TMEM221: variants seen among roughly 807,000 people sequenced by gnomAD.
TMEM221 encodes Putative transmembrane protein ENSP00000342162.
TMEM221 carries 11 observed loss-of-function variants against 10.2 expected under a neutral mutation model. The observed-to-expected ratio is 1.08, with a 90% CI of 0.68 to 1.79. The LOEUF (loss-of-function observed/expected upper bound fraction) is 1.79, where lower values mean the gene tolerates loss of function less well. Ranked by LOEUF, TMEM221 falls within the 40% of genes most tolerant of loss-of-function variation. The pLI, the probability that TMEM221 is intolerant of heterozygous loss-of-function variation, is 0.00. For missense variants in TMEM221, 382 were observed against 417.7 expected, an observed-to-expected ratio of 0.91 and a Z score of 0.75; for synonymous variants, 172 against 199.8, an observed-to-expected ratio of 0.86 and a Z score of 1.18.
rs993681913 is a variant in TMEM221, at chr19:17,448,295, G to A, written c.168C>T (p.Gly56=). Residue 56 remains glycine (G), a synonymous_variant, in exon 1 of 3, where the codon GGC becomes GGT. Transcript: ENST00000341130. This position sits in a 1 kb window ranked among gnomAD's most constrained non-coding sequence, Gnocchi z 4.7. ...AEGLGQELGA[G]PGLPEDAAGT... ...CGGCCGCGTCCTCTGGCAGCCCGGG[G>A]CCGGCGCCCAGCTCCTGGCCCAGCC... 9.0e-6 allele frequency: 11 copies of A among 1,215,848 alleles called. No homozygotes were observed. The Admixed American group carries it at 4.0e-4, about 44-fold the overall frequency. 75.3% of individuals were successfully genotyped at this position (1,215,848 alleles called of 1,614,324 possible).
rs2074959203 is a variant in TMEM221 at position 17,448,041 on chromosome 19, G to A, written c.320+102C>T. 4 of 989,164 alleles carry A rather than the reference G, an allele frequency of 4.0e-6. No homozygotes were observed. The highest frequency in any genetic ancestry group is 5.2e-6 in the Non-Finnish European group (4 of 766,296). 61.3% of individuals were successfully genotyped at this position (989,164 alleles called of 1,614,324 possible). A position where few individuals can be genotyped will look rare whatever the true frequency, so the allele number is the denominator to read the frequency against. On this transcript the variant is annotated intron_variant, in intron 1 of 2. Transcript: ENST00000341130. This position sits in a 1 kb window ranked among gnomAD's most constrained non-coding sequence, Gnocchi z 4.7. ...TGGTGGGGAGAGGGAAGTGGGGAGG[G>A]AAGCTGTCCCCCCAGCCTGAGGCCA...
chr19:17,439,206 C>CA lies in TMEM221; in HGVS notation c.407-2280dup, dbSNP rs35872715. On this transcript the variant is annotated intron_variant, in intron 2 of 2. Transcript: ENST00000341130. ...TGGGTGACAGAGCGAGACTCCATCT[C>CA]AAAAAAAAAAAAAAAGCCTCCCTGT... is the stretch of plus-strand genomic sequence containing the variant. Among the ~76,000 whole-genome samples, 799 of 111,392 alleles carry CA rather than the reference C, an allele frequency of 7.2e-3. 27 individuals are homozygous for CA. Among genetic ancestry groups the CA allele is most frequent in the Middle Eastern group, 0.024 (5 of 208 alleles). 73.1% of individuals were successfully genotyped at this position (111,392 alleles called of 152,430 possible).
Position 17,448,314 on chromosome 19 carries a change from C to A in TMEM221, c.149G>T (p.Gly50Val). Residue 50 changes from glycine to valine, a missense_variant, in exon 1 of 3, where the codon GGC becomes GTC. Coordinates refer to ENST00000341130, the MANE Select transcript of TMEM221 (RefSeq NM_001190844.2). The surrounding 1 kb of genome is among the most constrained non-coding windows in gnomAD (Gnocchi z 4.7). ...CCCGGGGCCGGCGCCCAGCTCCTGGCCCAGCCCCTCGGCGCGCAGCCCCCG... is the reference window on the plus strand; with the variant it reads ...CCCGGGGCCGGCGCCCAGCTCCTGGACCAGCCCCTCGGCGCGCAGCCCCCG... The part of the protein sequence containing the change: ...ELRGLRAEGL[G>V]QELGAGPGLP... The A allele has an allele frequency of 7.9e-7, 1 of 1,270,470 alleles. No homozygotes were observed. The allele number at this position is 1,270,470 out of a possible 1,614,324, so 78.7% of individuals were successfully genotyped here.
intron 1 of TMEM221, among the ~76,000 whole-genome samples, chr19:17,446,586 T>C (rs1599620949): frequency 6.6e-6 from 1 of 152,050 alleles, no homozygotes; most frequent in South Asian, 2.1e-4. Flanking sequence ...TGGCTAGAGG[T>C]GGTCATTCAA....
intron 2 of TMEM221, among the ~76,000 whole-genome samples, chr19:17,440,731 T>G (rs747055422): frequency 6.6e-6 from 1 of 151,896 alleles, no homozygotes; most frequent in Non-Finnish European, 1.5e-5. Context: ...CCCCAGCAAC[T>G]CAGCTCTCAG....
chr19:17,442,924 T>C (rs1392925848), intron 2 of TMEM221, among the ~76,000 whole-genome samples: 1 of 152,118 alleles, frequency 6.6e-6, no homozygotes, highest in Non-Finnish European at 1.5e-5. Flanking sequence ...ACTTCACATA[T>C]ATAAATTCCC....
Position 17,436,757 on chromosome 19 carries a change from C to A in TMEM221, c.577G>T (p.Asp193Tyr), listed in dbSNP as rs2074910684. The change falls in exon 3 of 3, where the codon GAC becomes TAC. Residue 193 changes from aspartate (D) to tyrosine (Y), a missense_variant. Transcript: ENST00000341130. ...ACTTCGGCAGGGCGGGCGAGGTCGT[C>A]TTCAAAGGATGGCGGGGACAACTCA... ...LHELSPPSFE[D>Y]DLARPAEVSK... 1 of 1,522,678 alleles carries A rather than the reference C, an allele frequency of 6.6e-7. No homozygotes were observed. The highest frequency in any genetic ancestry group is 8.8e-7 in the Non-Finnish European group (1 of 1,138,668). 94.3% of individuals were successfully genotyped at this position (1,522,678 alleles called of 1,614,324 possible). A position where few individuals can be genotyped will look rare whatever the true frequency, so the allele number is the denominator to read the frequency against.
At chr19:17,446,419 T>C (rs2144506012) in intron 1 of TMEM221, among the ~76,000 whole-genome samples, 1 of 152,306 alleles carries the variant, frequency 6.6e-6, no homozygotes, top group South Asian at 2.1e-4. Flanking sequence ...ATGCTGTTAT[T>C]GATGATACAA....
At position 17,448,136 on chromosome 19, in the gene TMEM221, C is replaced by T; in HGVS notation, c.320+7G>A. 4 of 1,384,522 alleles carry T rather than the reference C, an allele frequency of 2.9e-6. No homozygotes were observed. Among genetic ancestry groups the T allele is most frequent in the South Asian group, 1.6e-5 (1 of 63,620 alleles). 85.8% of individuals were successfully genotyped at this position (1,384,522 alleles called of 1,614,324 possible). Reference sequence around the variant, plus strand: ...GGCCTCCGAGGCGGTGAGGCCAGTCCTCCTACCTCCTGGGGCCAGGCCCCC... The same window carrying T: ...GGCCTCCGAGGCGGTGAGGCCAGTCTTCCTACCTCCTGGGGCCAGGCCCCC... On this transcript the variant is annotated splice_region_variant and intron_variant, in intron 1 of 2. Coordinates refer to ENST00000341130, the MANE Select transcript of TMEM221 (RefSeq NM_001190844.2). This position sits in a 1 kb window ranked among gnomAD's most constrained non-coding sequence, Gnocchi z 4.7.
intron 2 of TMEM221, among the ~76,000 whole-genome samples, chr19:17,441,433 T>C (rs991988638): frequency 1.2e-4 from 18 of 151,998 alleles, no homozygotes; most frequent in African/African-American, 4.3e-4. Context: ...CCAGAATCAG[T>C]CTCAGTGGAG....
rs916521961 is a variant in TMEM221 at position 17,436,794 on chromosome 19, GCGGGCAGCC to G, written c.531_539del (p.Ala178_Arg180del). 53 of 1,517,124 alleles carry G rather than the reference GCGGGCAGCC, an allele frequency of 3.5e-5. No homozygotes were observed. The highest frequency in any genetic ancestry group is 4.9e-5 in the East Asian group (2 of 40,566). The allele number at this position is 1,517,124 out of a possible 1,614,324, so 94.0% of individuals were successfully genotyped here. On this transcript the variant is annotated inframe_deletion, in exon 3 of 3. Transcript: ENST00000341130. The stretch of plus-strand genomic sequence containing the variant: ...GCGGGGACAACTCATGGAGCCCACG[GCGGGCAGCC>G]CGGGCAGCCCGGAGGAGAGTGTGGG...
chr19:17,447,314 G>A (rs1238837421), intron 1 of TMEM221, among the ~76,000 whole-genome samples: 1 of 152,012 alleles, frequency 6.6e-6, no homozygotes, highest in African/African-American at 2.4e-5. Flanking sequence ...GAACCACCAT[G>A]CCTTGTCCTT....
rs1253597177 is a variant in TMEM221 at position 17,436,464 on chromosome 19, C to T, written c.870G>A (p.Leu290=). 1.3e-6 allele frequency: 2 copies of T among 1,515,524 alleles called. No homozygotes were observed. Among genetic ancestry groups the T allele is most frequent in the African/African-American group, 2.7e-5 (2 of 72,764 alleles). The allele number at this position is 1,515,524 out of a possible 1,614,324, so 93.9% of individuals were successfully genotyped here. The change falls in exon 3 of 3, where the codon CTG becomes CTA. Residue 290 remains leucine, a synonymous_variant. Transcript: ENST00000341130. The stretch of plus-strand genomic sequence containing the variant: ...CTATTCCTCATCCCTGGGCTCACAC[C>T]AGTGTGGAGTCCTTCCCCATGCTCC... ...RPGSMGKDST[L]V
At chr19:17,445,928 A>AC (rs11382981) in intron 1 of TMEM221, among the ~76,000 whole-genome samples, 61,954 of 151,304 alleles carry the variant, frequency 0.41, 12,841 homozygotes, top group East Asian at 0.53. Context: ...TCCACCATCC[A>AC]CTATCTGATA....
intron 2 of TMEM221, among the ~76,000 whole-genome samples, chr19:17,443,913 T>C (rs1052563360): frequency 6.6e-6 from 1 of 151,742 alleles, no homozygotes; most frequent in Admixed American, 6.6e-5. Flanking sequence ...AGAAAGTTGA[T>C]TGAAGAAAAG....
rs2074904548 is a variant in TMEM221 at position 17,435,568 on chromosome 19, C to T, written c.*890G>A. On this transcript the variant is annotated 3_prime_UTR_variant, in exon 3 of 3. Coordinates refer to ENST00000341130, the MANE Select transcript of TMEM221 (RefSeq NM_001190844.2). The stretch of plus-strand genomic sequence containing the variant: ...AGACAGGAGACCTTTGGAGACCCCT[C>T]TGTTATTTCCTTGAGCCCCAGAAAC... The T allele has an allele frequency of 6.6e-6, 1 of 152,322 alleles. No individual in the cohort carries two copies. The highest frequency in any genetic ancestry group is 2.1e-4 in the South Asian group (1 of 4,836). The allele number at this position is 152,322 out of a possible 1,614,324, so 9.4% of individuals were successfully genotyped here. A position where few individuals can be genotyped will look rare whatever the true frequency, so the allele number is the denominator to read the frequency against.
rs2074905329 is a variant in TMEM221, at chr19:17,435,772, A to C, written c.*686T>G. The C allele has an allele frequency of 6.6e-6, 1 of 152,424 alleles. No homozygotes were observed. The highest frequency in any genetic ancestry group is 2.1e-4 in the South Asian group (1 of 4,830). The allele number at this position is 152,424 out of a possible 1,614,324, so 9.4% of individuals were successfully genotyped here. Reference sequence around the variant, plus strand: ...AGATGAGGAAACTGAGGCACAAAGCAGCTAAGCCCTCAGCCATGGGTCCAC... The same window carrying C: ...AGATGAGGAAACTGAGGCACAAAGCCGCTAAGCCCTCAGCCATGGGTCCAC... On this transcript the variant is annotated 3_prime_UTR_variant, in exon 3 of 3. Coordinates refer to ENST00000341130, the MANE Select transcript of TMEM221 (RefSeq NM_001190844.2).
chr19:17,439,351 T>C (rs1424295067), intron 2 of TMEM221, among the ~76,000 whole-genome samples: 2 of 151,754 alleles, frequency 1.3e-5, no homozygotes, highest in African/African-American at 4.8e-5. Context: ...CAGATGCAAA[T>C]AGCCACAGAG....
Position 17,448,348 on chromosome 19 carries a change from C to T in TMEM221, c.115G>A (p.Ala39Thr), listed in dbSNP as rs910620837. ...QLLFQLQAGR[A>T]ELRGLRAEGL... is the part of the protein sequence containing the mutation. ...TCGGCGCGCAGCCCCCGCAGCTCGG[C>T]GCGGCCCGCCTGCAGCTGAAACAGC... The change falls in exon 1 of 3, where the codon GCC (alanine) becomes ACC (threonine). Residue 39 changes from alanine (A) to threonine (T), a missense_variant. Physicochemically the swap from Ala to Thr is moderately conservative, Grantham distance 58. Transcript: ENST00000341130. The surrounding 1 kb of genome is among the most constrained non-coding windows in gnomAD (Gnocchi z 4.7). 1.3e-5 allele frequency: 18 copies of T among 1,348,908 alleles called. No homozygotes were observed. Among genetic ancestry groups the T allele is most frequent in the Admixed American group, 6.9e-5 (2 of 28,986 alleles). The allele number at this position is 1,348,908 out of a possible 1,614,324, so 83.6% of individuals were successfully genotyped here.
Sources: allele counts gnomAD v4.1 joint callset (sites outside exome capture counted in the v4.1 genomes callset), GRCh38; gene constraint gnomAD v4.1.1; non-coding constraint Gnocchi (gnomAD v3.1); transcripts MANE v1.5; gene names NCBI Gene and HGNC (gene_info 2026-07-23, HGNC 2026-07-21).